Variants in MGAT4C observed in about 807,000 individuals in gnomAD.
MGAT4C encodes the protein alpha-1,3-mannosyl-glycoprotein 4-beta-N-acetylglucosaminyltransferase C.
In MGAT4C, 19 loss-of-function variants were observed where a neutral mutation model predicts 40.1. The ratio of observed to expected loss-of-function variants is 0.47; its 90% CI spans 0.33 to 0.70. The LOEUF (loss-of-function observed/expected upper bound fraction) is 0.70, where lower values mean the gene tolerates loss of function less well. MGAT4C is among the 30% of genes least tolerant of loss of function. The pLI is 0.02. For synonymous variants in MGAT4C, 181 were observed against 187.1 expected, an observed-to-expected ratio of 0.97 and a Z score of 0.27; for missense variants, 491 against 563.2, an observed-to-expected ratio of 0.87 and a Z score of 1.30.
At position 85,963,238 on chromosome 12, in the gene MGAT4C, C is replaced by T. The variant is rs1041164350; in HGVS notation, c.*16051G>A. ...ATTATAATAATTGAATTTTTAATTC[C>T]TCATAAATATTTTAAAAGTACACAT... On this transcript the variant is annotated 3_prime_UTR_variant, in exon 5 of 5. Coordinates refer to ENST00000611864, the MANE Select transcript of MGAT4C (RefSeq NM_001351288.2). 6.6e-6 allele frequency: 1 copy of T among 151,712 alleles called. No individual in the cohort carries two copies. The highest frequency in any genetic ancestry group is 2.4e-5 in the African/African-American group (1 of 41,356). 9.4% of individuals were successfully genotyped at this position (151,712 alleles called of 1,614,324 possible).
At chr12:86,094,255 C>CA (rs1254668606) in intron 1 of MGAT4C, among the ~76,000 whole-genome samples, 5 of 151,648 alleles carry the variant, frequency 3.3e-5, no homozygotes, top group Non-Finnish European at 2.9e-5. Flanking sequence ...AGATATTGGC[C>CA]AAAAAAAGGA....
At chr12:86,152,834 G>A (rs1326988162) in intron 1 of MGAT4C, among the ~76,000 whole-genome samples, 1 of 152,040 alleles carries the variant, frequency 6.6e-6, no homozygotes, top group Non-Finnish European at 1.5e-5. Flanking sequence ...TAAAGTCCAA[G>A]TCTTTCCCTT....
intron 2 of MGAT4C, among the ~76,000 whole-genome samples, chr12:86,008,314 T>C (rs1239009130): frequency 2.0e-5 from 3 of 152,052 alleles, no homozygotes; most frequent in African/African-American, 7.2e-5. Context: ...TTTATTCAGG[T>C]CATCTTTAAT....
intron 3 of MGAT4C, among the ~76,000 whole-genome samples, chr12:86,371,424 G>C (rs544654752): frequency 3.9e-5 from 6 of 151,982 alleles, no homozygotes; most frequent in Non-Finnish European, 8.8e-5. Flanking sequence ...TGATTCCCTT[G>C]ATAAAAAAAT....
At chr12:86,229,617 G>T (rs1342016245) in intron 1 of MGAT4C, among the ~76,000 whole-genome samples, 1 of 151,916 alleles carries the variant, frequency 6.6e-6, no homozygotes, top group Non-Finnish European at 1.5e-5. Context: ...ATAGAGTAAT[G>T]ATTACAACAT....
chr12:86,621,781 ACTAAGTTGAC>A (rs147025655), intron 2 of MGAT4C, among the ~76,000 whole-genome samples: 106 of 152,286 alleles, frequency 7.0e-4, no homozygotes, highest in African/African-American at 2.5e-3. Flanking sequence ...CCCAGCTGCA[ACTAAGTTGAC>A]TTAACAATTT....
At chr12:86,387,429 A>G (rs1275640016) in intron 3 of MGAT4C, among the ~76,000 whole-genome samples, 1 of 152,132 alleles carries the variant, frequency 6.6e-6, no homozygotes, top group Non-Finnish European at 1.5e-5. Flanking sequence ...TCAATCTAGA[A>G]TTGAAAACAG....
chr12:86,179,327 G>A (rs1453438120), intron 1 of MGAT4C, among the ~76,000 whole-genome samples: 1 of 151,774 alleles, frequency 6.6e-6, no homozygotes, highest in Non-Finnish European at 1.5e-5. Context: ...TCCCAGTTTT[G>A]GGTATGTCTT....
At chr12:86,699,926 G>C (rs1336649663) in intron 2 of MGAT4C, among the ~76,000 whole-genome samples, 1 of 151,832 alleles carries the variant, frequency 6.6e-6, no homozygotes, top group African/African-American at 2.4e-5. Flanking sequence ...AGGTGGAATG[G>C]GAGGCAAGAG....
rs538017652 is a variant in MGAT4C, at chr12:86,019,168, G to A, written c.-6-29616C>T. On this transcript the variant is annotated intron_variant, in intron 2 of 4. Coordinates refer to ENST00000611864, the MANE Select transcript of MGAT4C (RefSeq NM_001351288.2). The stretch of plus-strand genomic sequence containing the variant: ...ACTGTGAACACTGTTTTGATTTGTC[G>A]TGGGGAAGAGAAGAGCGACAATGAT... 2.3e-4 allele frequency among the ~76,000 whole-genome samples: 35 copies of A among 152,190 alleles called. No homozygotes were observed. The South Asian group carries it at 5.6e-3, about 24-fold the overall frequency.
chr12:86,203,183 T>C (rs1483038387), intron 1 of MGAT4C, among the ~76,000 whole-genome samples: 3 of 152,170 alleles, frequency 2.0e-5, no homozygotes, highest in African/African-American at 7.2e-5. Context: ...ATCTTCTGTA[T>C]TTTGTTTAGC....
intron 2 of MGAT4C, among the ~76,000 whole-genome samples, chr12:86,664,424 G>T (rs1474209457): frequency 1.3e-5 from 2 of 151,996 alleles, no homozygotes; most frequent in African/African-American, 2.4e-5. Flanking sequence ...TCAGAAAATA[G>T]AATTTATTAT....
At chr12:86,380,211 A>C (rs1592765509) in intron 3 of MGAT4C, among the ~76,000 whole-genome samples, 1 of 152,148 alleles carries the variant, frequency 6.6e-6, no homozygotes, top group Non-Finnish European at 1.5e-5. Flanking sequence ...ACAGAGTGAA[A>C]AGAAATGCTA....
intron 2 of MGAT4C, among the ~76,000 whole-genome samples, chr12:86,467,697 C>T (rs553177929): frequency 2.3e-4 from 35 of 152,066 alleles, no homozygotes; most frequent in African/African-American, 7.2e-4. Context: ...AATGTTTATC[C>T]TTTTTACTCT....
chr12:86,239,696 C>A (rs185136762), intron 1 of MGAT4C, among the ~76,000 whole-genome samples: 64 of 151,986 alleles, frequency 4.2e-4, no homozygotes, highest in African/African-American at 1.4e-3. Flanking sequence ...AGTGGGAGAT[C>A]CAGACATACA....
At chr12:86,032,727 T>G (rs897683538) in intron 2 of MGAT4C, among the ~76,000 whole-genome samples, 7 of 149,910 alleles carry the variant, frequency 4.7e-5, no homozygotes, top group Non-Finnish European at 1.0e-4. Context: ...TGTTTAACTC[T>G]GTTGATAGTT....
At chr12:86,308,539 T>C (rs1953995755) in intron 4 of MGAT4C, among the ~76,000 whole-genome samples, 1 of 150,718 alleles carries the variant, frequency 6.6e-6, no homozygotes, top group African/African-American at 2.5e-5. Flanking sequence ...ATTTAGGCAT[T>C]TATTTGATTG....
At chr12:86,410,469 A>G (rs749038101) in intron 3 of MGAT4C, among the ~76,000 whole-genome samples, 1 of 152,118 alleles carries the variant, frequency 6.6e-6, no homozygotes, top group Non-Finnish European at 1.5e-5. Context: ...AATAAGAAAA[A>G]ATATGGCTCT....
intron 3 of MGAT4C, among the ~76,000 whole-genome samples, chr12:86,361,596 G>A (rs1322478875): frequency 1.3e-5 from 2 of 152,086 alleles, no homozygotes; most frequent in African/African-American, 4.8e-5. Flanking sequence ...ATCTGACAAA[G>A]GGCTAAATCT....
Sources: gnomAD v4.1 joint callset for allele counts (sites outside exome capture counted in the v4.1 genomes callset) on GRCh38, gnomAD v4.1.1 for gene constraint, MANE v1.5 for transcripts, NCBI Gene and HGNC (gene_info 2026-07-23, HGNC 2026-07-21) for gene names.